The following PIGO variants were observed in gnomAD, a reference collection of about 807,000 sequenced individuals.
The protein encoded by PIGO is GPI ethanolamine phosphate transferase 3, catalytic subunit.
PIGO carries 66 observed loss-of-function variants against 86.9 expected under a neutral mutation model. The observed-to-expected ratio is 0.76, with a 90% CI of 0.62 to 0.93. PIGO has a LOEUF of 0.93. PIGO is among the 40% of genes least tolerant of loss of function. The pLI is 0.00. For missense variants in PIGO, 1,202 were observed against 1,359.1 expected (o/e 0.88, Z 1.82); for synonymous variants, 570 against 556.4 (o/e 1.02, Z -0.34).
At position 35,090,071 on chromosome 9, in the gene PIGO, T is replaced by C. The variant is rs571533656; in HGVS notation, c.3064A>G (p.Ile1022Val). 1 of 1,613,262 alleles carries C rather than the reference T, an allele frequency of 6.2e-7. No homozygotes were observed. Among genetic ancestry groups the C allele is most frequent in the East Asian group, 2.2e-5 (1 of 44,864 alleles). The part of the protein sequence containing the change: ...LGLKYLFILG[I>V]QILACALAAS... ...GATCTCTCTCCTACACCCACCTGAA[T>C]ACCAAGGATAAAGAGGTACTTGAGG... The change falls in exon 9 of 11, where the codon ATT becomes GTT. Residue 1022 changes from isoleucine (I) to valine (V), a missense_variant. Physicochemically the swap from Ile to Val is conservative, Grantham distance 29. Transcript: ENST00000378617.
chr9:35,090,260 G>A lies in PIGO; in HGVS notation c.2875C>T (p.Leu959Phe). 1 of 1,614,006 alleles carries A rather than the reference G, an allele frequency of 6.2e-7. No homozygotes were observed. Among genetic ancestry groups the A allele is most frequent in the South Asian group, 1.1e-5 (1 of 91,080 alleles). Residue 959 changes from leucine to phenylalanine, a missense_variant, in exon 9 of 11, where the codon CTC becomes TTC. Leu to Phe is a conservative substitution (Grantham distance 22, BLOSUM62 0). Coordinates refer to ENST00000378617, the MANE Select transcript of PIGO (RefSeq NM_032634.4). ...LFAVGCPLLL[L>F]WPFLCESQGL... ...TGACTCTCACACAGGAAAGGCCAGA[G>A]CAGGAGCAGTGGGCAACCTACTGCC...
intron 5 of PIGO, 34 bp from the exon 6 acceptor site, chr9:35,093,243 C>T (rs1009767017): frequency 1.9e-6 from 3 of 1,593,818 alleles, no homozygotes; most frequent in African/African-American, 2.7e-5. Context: ...ACAGATTCAT[C>T]ACAAAGCTGA....
At chr9:35,089,347 C>T in intron 10 of PIGO, 33 bp downstream of exon 10, 2 of 1,614,158 alleles carry the variant, frequency 1.2e-6, no homozygotes, top group Non-Finnish European at 1.7e-6. Flanking sequence ...TCTCCCTCCC[C>T]ACCACCTCTA....
rs1383280269 is a variant in PIGO at position 35,094,213 on chromosome 9, C to T, written c.655+3G>A. 6.3e-7 allele frequency: 1 copy of T among 1,588,944 alleles called. No individual in the cohort carries two copies. Among genetic ancestry groups the T allele is most frequent in the African/African-American group, 1.4e-5 (1 of 72,934 alleles). ...GAACTAAGTGCTCTGGCCCCATGCT[C>T]ACTGGTGGGGTAGAGGTGTTCCAGG... On this transcript the variant is annotated splice_donor_region_variant and intron_variant, in intron 3 of 10. Transcript: ENST00000378617.
chr9:35,089,385 G>A lies in PIGO; in HGVS notation c.3135C>T (p.Ala1045=), dbSNP rs771048903. The change falls in exon 10 of 11, where the codon GCC becomes GCT. Residue 1045 remains alanine (A), a synonymous_variant. Coordinates refer to ENST00000378617, the MANE Select transcript of PIGO (RefSeq NM_032634.4). ...RRHLMVWKVF[A]PKFIFEAVGF... The stretch of plus-strand genomic sequence containing the variant: ...TCTCAAGCAAATCTACTCACTTAGG[G>A]GCAAACACTTTCCAGACCATGAGAT... The A allele has an allele frequency of 1.2e-6, 2 of 1,614,144 alleles. No individual in the cohort carries two copies. The highest frequency in any genetic ancestry group is 2.2e-5 in the South Asian group (2 of 91,082).
Position 35,093,171 on chromosome 9 carries a change from C to A in PIGO, c.978G>T (p.Thr326=), listed in dbSNP as rs1423655238. 1 of 1,614,010 alleles carries A rather than the reference C, an allele frequency of 6.2e-7. No homozygotes were observed. The highest frequency in any genetic ancestry group is 8.5e-7 in the Non-Finnish European group (1 of 1,179,908). ...TGGGCAGGCCCAGCAGCAGGGCCAG[C>A]GTGGGCACAAGGCTAACTTGAGGAA... ...EVIPQVSLVP[T]LALLLGLPIP... The change falls in exon 6 of 11, where the codon ACG becomes ACT. Residue 326 remains threonine (T), a synonymous_variant. Transcript: ENST00000378617.
rs1265730676 is a variant in PIGO, at chr9:35,092,643, T to G, written c.1244A>C (p.Lys415Thr). The change falls in exon 7 of 11, where the codon AAG (lysine) becomes ACG (threonine). Residue 415 changes from lysine to threonine, a missense_variant. By Grantham distance (78) the Lys-to-Thr change is moderately conservative (BLOSUM62 -1). Coordinates refer to ENST00000378617, the MANE Select transcript of PIGO (RefSeq NM_032634.4). ...ADYQWLLQSP[K>T]GAEATLPTVI... Reference sequence around the variant, plus strand: ...AGTCGGCAGTGTCGCCTCAGCCCCCTTGGGGCTCTGGAGAAGCCACTGGTA... The same window carrying G: ...AGTCGGCAGTGTCGCCTCAGCCCCCGTGGGGCTCTGGAGAAGCCACTGGTA... 6.2e-7 allele frequency: 1 copy of G among 1,614,098 alleles called. No homozygotes were observed. The highest frequency in any genetic ancestry group is 8.5e-7 in the Non-Finnish European group (1 of 1,180,040).
chr9:35,089,695 C>T, intron 9 of PIGO: 1 of 1,413,588 alleles, frequency 7.1e-7, no homozygotes, highest in Non-Finnish European at 9.2e-7. Context: ...CAGGCTGTGC[C>T]CCCAGGATGG....
Position 35,093,100 on chromosome 9 carries a change from C to A in PIGO, c.1049G>T (p.Gly350Val), listed in dbSNP as rs368691880. The change falls in exon 6 of 11, where the codon GGG (glycine) becomes GTG (valine). Residue 350 changes from glycine (G) to valine (V), a missense_variant. Physicochemically the swap from Gly to Val is moderately radical, Grantham distance 109. Transcript: ENST00000378617. Reference sequence around the variant, plus strand: ...GGAGTGGGGCTGGGAGTCCTCACCCCCTGAGAATAGCTCAGCCATCACTTC... The same window carrying A: ...GGAGTGGGGCTGGGAGTCCTCACCCACTGAGAATAGCTCAGCCATCACTTC... Reference protein sequence around the residue: ...IGEVMAELFSGGEDSQPHSSA... With the variant: ...IGEVMAELFSVGEDSQPHSSA... The A allele has an allele frequency of 6.2e-7, 1 of 1,614,212 alleles. No individual in the cohort carries two copies. The highest frequency in any genetic ancestry group is 8.5e-7 in the Non-Finnish European group (1 of 1,180,028).
chr9:35,090,973 G>A (rs2131072685), intron 7 of PIGO: 1 of 568,098 alleles, frequency 1.8e-6, no homozygotes, highest in South Asian at 2.4e-5. Context: ...ATCAAGAAAT[G>A]TGCTCATGAG....
Position 35,092,276 on chromosome 9 carries a change from C to T in PIGO, c.1611G>A (p.Arg537=), listed in dbSNP as rs766928072. 8.1e-6 allele frequency: 13 copies of T among 1,614,194 alleles called. No individual in the cohort carries two copies. The highest frequency in any genetic ancestry group is 1.1e-5 in the Non-Finnish European group (13 of 1,180,030). The change falls in exon 7 of 11, where the codon AGG becomes AGA. Residue 537 remains arginine, a synonymous_variant. Transcript: ENST00000378617. ...WKAWAGWGSK[R]PLATLFPIPG... Reference sequence around the variant, plus strand: ...GGATGGGAAACAGGGTTGCCAGGGGCCTCTTGGACCCCCAGCCAGCCCAGG... The same window carrying T: ...GGATGGGAAACAGGGTTGCCAGGGGTCTCTTGGACCCCCAGCCAGCCCAGG...
chr9:35,091,547 G>A lies in PIGO; in HGVS notation c.2340C>T (p.Leu780=), dbSNP rs1437561417. ...GAGAPRTRTV[L]TPFSGPPTSQ... The stretch of plus-strand genomic sequence containing the variant: ...AAGTGGGGGGGCCTGAGAAGGGAGT[G>A]AGGACAGTCCTGGTCCTTGGAGCGC... Residue 780 remains leucine, a synonymous_variant, in exon 7 of 11, where the codon CTC becomes CTT. Transcript: ENST00000378617. 1 of 1,614,154 alleles carries A rather than the reference G, an allele frequency of 6.2e-7. No individual in the cohort carries two copies.
In PIGO at chr9:35,093,912, G is replaced by A; in HGVS notation, c.768C>T (p.Asp256=). ...PEMAKKLSQM[D]QVIQGLVERL... Reference sequence around the variant, plus strand: ...TACCCCACACTCACTGGATCACCTGGTCCATCTGGCTAAGTTTCTTGGCCA... The same window carrying A: ...TACCCCACACTCACTGGATCACCTGATCCATCTGGCTAAGTTTCTTGGCCA... Residue 256 remains aspartate, a synonymous_variant, in exon 4 of 11, where the codon GAC becomes GAT. Coordinates refer to ENST00000378617, the MANE Select transcript of PIGO (RefSeq NM_032634.4). 1 of 1,614,110 alleles carries A rather than the reference G, an allele frequency of 6.2e-7. No homozygotes were observed. The highest frequency in any genetic ancestry group is 8.5e-7 in the Non-Finnish European group (1 of 1,180,014).
chr9:35,089,755 A>G, intron 9 of PIGO: 1 of 1,394,480 alleles, frequency 7.2e-7, no homozygotes, highest in Non-Finnish European at 9.3e-7. Flanking sequence ...AAGAGGATCC[A>G]TGACCACAGT....
rs1829353043 is a variant in PIGO at position 35,090,234 on chromosome 9, T to C, written c.2901A>G (p.Gln967=). The C allele has an allele frequency of 6.2e-7, 1 of 1,614,178 alleles. No individual in the cohort carries two copies. The highest frequency in any genetic ancestry group is 8.5e-7 in the Non-Finnish European group (1 of 1,180,034). Reference sequence around the variant, plus strand: ...GGGGCTGCTGTCTCTTCCGCAGCCCTTGACTCTCACACAGGAAAGGCCAGA... The same window carrying C: ...GGGGCTGCTGTCTCTTCCGCAGCCCCTGACTCTCACACAGGAAAGGCCAGA... The part of the protein sequence containing the change: ...LLLWPFLCES[Q]GLRKRQQPPG... Residue 967 remains glutamine (Q), a synonymous_variant, in exon 9 of 11, where the codon CAA becomes CAG. Transcript: ENST00000378617.
chr9:35,093,754 T>C (rs1245294602), intron 4 of PIGO, 147 bp downstream of exon 4: 5 of 1,460,482 alleles, frequency 3.4e-6, no homozygotes, highest in South Asian at 2.7e-5. Flanking sequence ...AAGCTACACA[T>C]TGAGTTAATC....
chr9:35,095,706 G>T, intron 1 of PIGO, 140 bp from the exon 2 acceptor site: 1 of 1,092,688 alleles, frequency 9.2e-7, no homozygotes, highest in Non-Finnish European at 1.3e-6. Context: ...CCAACCCCTC[G>T]CAATATTACT....
Position 35,090,191 on chromosome 9 carries a change from C to T in PIGO, c.2944G>A (p.Ala982Thr), listed in dbSNP as rs1183627091. 2 of 1,614,224 alleles carry T rather than the reference C, an allele frequency of 1.2e-6. No individual in the cohort carries two copies. Among genetic ancestry groups the T allele is most frequent in the Non-Finnish European group, 1.7e-6 (2 of 1,180,038 alleles). Reference protein sequence around the residue: ...RQQPPGNEADARVRPEEEEEP... With the variant: ...RQQPPGNEADTRVRPEEEEEP... ...TCTTCCTCCTCGGGTCTGACTCTGG[C>T]ATCAGCTTCATTCCCTGGGGGCTGC... The change falls in exon 9 of 11, where the codon GCC (alanine) becomes ACC (threonine). Residue 982 changes from alanine (A) to threonine (T), a missense_variant. By Grantham distance (58) the Ala-to-Thr change is moderately conservative. Coordinates refer to ENST00000378617, the MANE Select transcript of PIGO (RefSeq NM_032634.4).
chr9:35,091,733 G>A lies in PIGO; in HGVS notation c.2154C>T (p.Tyr718=). 2 of 1,611,908 alleles carry A rather than the reference G, an allele frequency of 1.2e-6. No individual in the cohort carries two copies. Among genetic ancestry groups the A allele is most frequent in the East Asian group, 2.2e-5 (1 of 44,886 alleles). ...LPLMALGTAA[Y]WALASGADEA... ...CATCTGCCCCCGACGCCAATGCCCAGTAGGCAGCAGTACCCAATGCCATTA... is the reference window on the plus strand; with the variant it reads ...CATCTGCCCCCGACGCCAATGCCCAATAGGCAGCAGTACCCAATGCCATTA... The change falls in exon 7 of 11, where the codon TAC becomes TAT. Residue 718 remains tyrosine, a synonymous_variant. Transcript: ENST00000378617.
Sources: allele counts gnomAD v4.1 joint callset, GRCh38; gene constraint gnomAD v4.1.1; transcripts MANE v1.5; gene names NCBI Gene and HGNC (gene_info 2026-07-23, HGNC 2026-07-21).